DENND6A: variants seen among roughly 807,000 people sequenced by gnomAD.
DENND6A encodes protein DENND6A.
DENND6A carries 43 observed loss-of-function variants against 95.5 expected under a neutral mutation model. That is an observed-to-expected ratio of 0.45 (90% CI 0.35 to 0.58). The LOEUF (loss-of-function observed/expected upper bound fraction) is 0.58, where lower values mean the gene tolerates loss of function less well. Among genes scored for constraint, DENND6A ranks in the 20% least tolerant of loss-of-function variants. The pLI is 0.00. For synonymous variants in DENND6A, 257 were observed against 260.4 expected (o/e 0.99, Z 0.13); for missense variants, 574 against 736.0 (o/e 0.78, Z 2.55).
intron 15 of DENND6A, among the ~76,000 whole-genome samples, chr3:57,632,037 T>C (rs1185810708): frequency 1.4e-5 from 2 of 145,236 alleles, no homozygotes; most frequent in Admixed American, 1.4e-4. Context: ...TTTTTTTTTT[T>C]TGAGACGGAG....
At chr3:57,662,901 C>T (rs1230259553) in intron 5 of DENND6A, among the ~76,000 whole-genome samples, 4 of 151,850 alleles carry the variant, frequency 2.6e-5, no homozygotes, top group Admixed American at 2.0e-4. Flanking sequence ...GGTGGATCAC[C>T]TGAAGTCAGG....
chr3:57,671,999 G>A (rs552049057), intron 3 of DENND6A, among the ~76,000 whole-genome samples: 3 of 152,106 alleles, frequency 2.0e-5, no homozygotes, highest in Non-Finnish European at 2.9e-5. Flanking sequence ...TACCAATGTC[G>A]CTGATTTTCA....
At chr3:57,639,453 G>A (rs2070876563) in intron 12 of DENND6A, among the ~76,000 whole-genome samples, 1 of 152,164 alleles carries the variant, frequency 6.6e-6, no homozygotes, top group East Asian at 1.9e-4. Flanking sequence ...CCACTGGAAA[G>A]AGAAAACAAT....
At chr3:57,641,565 C>T in intron 12 of DENND6A, 88 bp downstream of exon 12, 2 of 1,172,152 alleles carry the variant, frequency 1.7e-6, no homozygotes, top group Non-Finnish European at 2.4e-6. Flanking sequence ...AAGCTGCCAT[C>T]AACATAAAAA....
At chr3:57,652,442 GA>G (rs1222094755) in intron 9 of DENND6A, among the ~76,000 whole-genome samples, 1 of 152,070 alleles carries the variant, frequency 6.6e-6, no homozygotes, top group Non-Finnish European at 1.5e-5. Flanking sequence ...TGAAACCACA[GA>G]TAACAACTTG....
chr3:57,639,578 C>A (rs969761358), intron 12 of DENND6A, among the ~76,000 whole-genome samples: 7 of 152,164 alleles, frequency 4.6e-5, no homozygotes, highest in Non-Finnish European at 8.8e-5. Flanking sequence ...ATCCAAGACT[C>A]TAGCAACTGT....
intron 1 of DENND6A, among the ~76,000 whole-genome samples, chr3:57,678,998 GGA>G (rs1159396598): frequency 6.6e-6 from 1 of 152,236 alleles, no homozygotes; most frequent in Non-Finnish European, 1.5e-5. Flanking sequence ...CAGCTACTCA[GGA>G]AGCTGAGGCA....
chr3:57,662,185 CTTTTTTTTTT>C (rs60063768), intron 5 of DENND6A, among the ~76,000 whole-genome samples: 1 of 79,136 alleles, frequency 1.3e-5, no homozygotes, highest in Non-Finnish European at 2.3e-5. Context: ...TTTCTTTTTT[CTTTTTTTTTT>C]TTTTTTTTTT....
At chr3:57,690,072 C>T (rs1170654182) in intron 1 of DENND6A, among the ~76,000 whole-genome samples, 1 of 147,510 alleles carries the variant, frequency 6.8e-6, no homozygotes, top group African/African-American at 2.5e-5. Flanking sequence ...AAGTCAGGTG[C>T]GGTGGCTCAC....
At chr3:57,646,015 C>T (rs1479116918) in intron 10 of DENND6A, among the ~76,000 whole-genome samples, 8 of 152,196 alleles carry the variant, frequency 5.3e-5, no homozygotes, top group African/African-American at 1.9e-4. Flanking sequence ...GCCTTTGACT[C>T]TACACTGATC....
intron 5 of DENND6A, among the ~76,000 whole-genome samples, chr3:57,663,079 A>G (rs1173791873): frequency 1.4e-5 from 2 of 141,178 alleles, no homozygotes; most frequent in Non-Finnish European, 3.1e-5. Context: ...TGAACCTGGG[A>G]GGCAGAAGTT....
chr3:57,654,517 G>A (rs1432567440), intron 9 of DENND6A: 74 of 592,894 alleles, frequency 1.2e-4, no homozygotes, highest in South Asian at 3.0e-4. Context: ...CAGGTGGCAG[G>A]AGGTGATAAC....
At chr3:57,658,700 T>C (rs1183051027) in intron 8 of DENND6A, among the ~76,000 whole-genome samples, 1 of 152,196 alleles carries the variant, frequency 6.6e-6, no homozygotes, top group Non-Finnish European at 1.5e-5. Flanking sequence ...AGTTAAAACA[T>C]TTCAAATGAA....
chr3:57,671,454 C>T (rs1350174439), intron 3 of DENND6A, among the ~76,000 whole-genome samples: 4 of 151,464 alleles, frequency 2.6e-5, no homozygotes, highest in Non-Finnish European at 5.9e-5. Flanking sequence ...GGTGTGAACC[C>T]GGGAGGCGGA....
intron 3 of DENND6A, among the ~76,000 whole-genome samples, chr3:57,669,943 C>G (rs1000291555): frequency 6.9e-6 from 1 of 145,828 alleles, no homozygotes; most frequent in African/African-American, 2.5e-5. Context: ...ATCACTTGAA[C>G]TGGGAGGCGG....
intron 9 of DENND6A, among the ~76,000 whole-genome samples, chr3:57,649,638 A>AT (rs2071154750): frequency 2.7e-5 from 4 of 148,024 alleles, no homozygotes; most frequent in Admixed American, 6.7e-5. Flanking sequence ...GTGAAAAAAA[A>AT]AAAATATATA....
intron 12 of DENND6A, 61 bp downstream of exon 12, chr3:57,641,587 TGAAAA>T: frequency 7.4e-7 from 1 of 1,344,778 alleles, no homozygotes; most frequent in Non-Finnish European, 1.0e-6. Context: ...TAATCAAGGA[TGAAAA>T]GAAAGAAACC....
intron 4 of DENND6A, 147 bp downstream of exon 4, chr3:57,665,976 T>C (rs928698924): frequency 5.6e-6 from 3 of 532,228 alleles, no homozygotes; most frequent in African/African-American, 3.9e-5. Flanking sequence ...TGAATCCTTA[T>C]GAATAAGACT....
chr3:57,677,931 G>C (rs573559092), intron 1 of DENND6A, among the ~76,000 whole-genome samples: 1 of 151,994 alleles, frequency 6.6e-6, no homozygotes, highest in Non-Finnish European at 1.5e-5. Context: ...ACTTGGTAAG[G>C]GTTAGTTATA....
Sources: allele counts gnomAD v4.1 joint callset (sites outside exome capture counted in the v4.1 genomes callset), GRCh38; gene constraint gnomAD v4.1.1; transcripts MANE v1.5; gene names NCBI Gene and HGNC (gene_info 2026-07-23, HGNC 2026-07-21).